The following FAM110B variants were observed in gnomAD, a reference collection of about 807,000 sequenced individuals.
The protein encoded by FAM110B is family with sequence similarity 110 member B, also known as protein FAM110B.
In FAM110B, 6 loss-of-function variants were observed where a neutral mutation model predicts 20.4. The observed-to-expected ratio is 0.29, with a 90% confidence interval of 0.16 to 0.58. The LOEUF is 0.58. Ranked by LOEUF, FAM110B falls within the 20% of genes least tolerant of loss-of-function variation. The pLI is 0.90. For missense variants in FAM110B, 434 were observed against 498.2 expected, an observed-to-expected ratio of 0.87 and a Z score of 1.23; for synonymous variants, 226 against 214.1, an observed-to-expected ratio of 1.06 and a Z score of -0.49.
At chr8:58,005,590 C>T (rs1804387307) in intron 1 of FAM110B, among the ~76,000 whole-genome samples, 1 of 152,138 alleles carries the variant, frequency 6.6e-6, no homozygotes, top group African/African-American at 2.4e-5. Flanking sequence ...TGTATTTTTC[C>T]ATGGTGAACA....
intron 3 of FAM110B, among the ~76,000 whole-genome samples, chr8:58,107,871 A>G (rs1176250430): frequency 2.6e-5 from 4 of 152,228 alleles, no homozygotes; most frequent in Non-Finnish European, 5.9e-5. Flanking sequence ...TGTTTGGGGA[A>G]CATTTGTGCT....
chr8:58,063,171 T>G (rs541243395), intron 2 of FAM110B, among the ~76,000 whole-genome samples: 7 of 152,270 alleles, frequency 4.6e-5, no homozygotes, highest in Non-Finnish European at 7.4e-5. Context: ...AAGAATCTCT[T>G]AAGACCGAGA....
chr8:58,043,058 A>G (rs1805252009), intron 2 of FAM110B: 1 of 152,234 alleles, frequency 6.6e-6, no homozygotes, highest in Non-Finnish European at 1.5e-5. Context: ...TATTTAAAGA[A>G]TATGAATGAA....
chr8:58,089,381 G>A (rs564025519), intron 3 of FAM110B, among the ~76,000 whole-genome samples: 2 of 152,258 alleles, frequency 1.3e-5, no homozygotes, highest in South Asian at 4.1e-4. Flanking sequence ...ATCTAGTTTT[G>A]TGGTTTAATT....
intron 3 of FAM110B, among the ~76,000 whole-genome samples, chr8:58,139,039 C>A (rs904828511): frequency 1.3e-5 from 2 of 152,198 alleles, no homozygotes; most frequent in African/African-American, 4.8e-5. Context: ...ATTTACTCAT[C>A]TTGTCGAAAA....
chr8:58,121,221 T>C (rs1269715175), intron 3 of FAM110B, among the ~76,000 whole-genome samples: 2 of 152,194 alleles, frequency 1.3e-5, no homozygotes, highest in African/African-American at 2.4e-5. Flanking sequence ...GGCCCATTGA[T>C]CTCTGTTGTC....
intron 3 of FAM110B, among the ~76,000 whole-genome samples, chr8:58,103,825 T>A (rs1254732204): frequency 6.6e-6 from 1 of 152,208 alleles, no homozygotes; most frequent in Non-Finnish European, 1.5e-5. Flanking sequence ...ATGACTTTTT[T>A]TGAAGTTCAC....
At position 58,147,166 on chromosome 8, in the gene FAM110B, C is replaced by T; in HGVS notation, c.936C>T (p.Ser312=). The change falls in exon 4 of 4, where the codon AGC becomes AGT. Residue 312 remains serine, a synonymous_variant. Coordinates refer to ENST00000519262, the MANE Select transcript of FAM110B (RefSeq NM_001377989.1). ...DIISLNFRSA[S]MISSDCEQSQ... is the part of the protein sequence containing the mutation. ...TATCCCTCAACTTCCGCAGCGCAAG[C>T]ATGATCAGCTCAGACTGTGAACAGT... is the stretch of plus-strand genomic sequence containing the variant. 1.2e-6 allele frequency: 2 copies of T among 1,614,166 alleles called. No homozygotes were observed. The highest frequency in any genetic ancestry group is 2.7e-5 in the African/African-American group (2 of 75,064).
At chr8:58,010,003 C>T (rs1320510273) in intron 1 of FAM110B, among the ~76,000 whole-genome samples, 2 of 152,144 alleles carry the variant, frequency 1.3e-5, no homozygotes, top group East Asian at 1.9e-4. Flanking sequence ...GTTGATGGCA[C>T]GGCTCTCTCT....
intron 3 of FAM110B, among the ~76,000 whole-genome samples, chr8:58,108,416 G>T (rs1021894235): frequency 1.1e-4 from 17 of 152,200 alleles, no homozygotes; most frequent in Non-Finnish European, 1.5e-4. Context: ...CAAAGAGTCA[G>T]CCTGGTGTCA....
intron 2 of FAM110B, among the ~76,000 whole-genome samples, chr8:58,034,686 G>T (rs1158926643): frequency 2.6e-5 from 4 of 152,336 alleles, no homozygotes; most frequent in East Asian, 1.9e-4. Flanking sequence ...CACATGAGAA[G>T]TGTTTAAGGT....
chr8:58,079,585 T>G (rs1027051109), intron 3 of FAM110B, among the ~76,000 whole-genome samples: 9 of 152,118 alleles, frequency 5.9e-5, no homozygotes, highest in African/African-American at 2.2e-4. Flanking sequence ...AAGACCAGCC[T>G]GAGCAACACT....
chr8:58,081,487 G>A (rs537990978), intron 3 of FAM110B, among the ~76,000 whole-genome samples: 3 of 152,322 alleles, frequency 2.0e-5, no homozygotes, highest in East Asian at 3.9e-4. Context: ...GATTATAGGC[G>A]TGAGCCACCA....
chr8:58,098,706 T>C (rs1249324232), intron 3 of FAM110B, among the ~76,000 whole-genome samples: 2 of 152,176 alleles, frequency 1.3e-5, no homozygotes, highest in African/African-American at 4.8e-5. Flanking sequence ...TTCTGAGGGT[T>C]GTGAAGACTG....
At chr8:58,062,472 A>G (rs1434816266) in intron 2 of FAM110B, among the ~76,000 whole-genome samples, 1 of 152,148 alleles carries the variant, frequency 6.6e-6, no homozygotes, top group Non-Finnish European at 1.5e-5. Flanking sequence ...TGGTCTCTAG[A>G]TATAATAAAA....
chr8:58,071,297 C>T (rs1217788718), intron 2 of FAM110B, among the ~76,000 whole-genome samples: 3 of 152,250 alleles, frequency 2.0e-5, no homozygotes, highest in Non-Finnish European at 2.9e-5. Context: ...ATACCAAAAA[C>T]GCCTTTGTTT....
In FAM110B at chr8:57,998,211, A is replaced by G. The variant is rs139773416; in HGVS notation, c.-512+3405A>G. On this transcript the variant is annotated intron_variant, in intron 1 of 3. Coordinates refer to ENST00000519262, the MANE Select transcript of FAM110B (RefSeq NM_001377989.1). Reference sequence around the variant, plus strand: ...TTTAAGATTTCACAATACCTTGTTAAAGATCACTTGTTTTAGGAAGGTTGA... The same window carrying G: ...TTTAAGATTTCACAATACCTTGTTAGAGATCACTTGTTTTAGGAAGGTTGA... Among the ~76,000 whole-genome samples the G allele has an allele frequency of 1.8e-3, 275 of 152,346 alleles. 1 individual carries two copies. The highest frequency in any genetic ancestry group is 6.3e-3 in the African/African-American group (262 of 41,586).
At chr8:58,126,672 T>A (rs1807514318) in intron 3 of FAM110B, among the ~76,000 whole-genome samples, 3 of 152,194 alleles carry the variant, frequency 2.0e-5, no homozygotes, top group Admixed American at 2.0e-4. Context: ...AATGTTGACA[T>A]CTTTTCATAT....
At chr8:58,030,097 A>G (rs1804935327) in intron 1 of FAM110B, among the ~76,000 whole-genome samples, 1 of 152,240 alleles carries the variant, frequency 6.6e-6, no homozygotes, top group Non-Finnish European at 1.5e-5. Context: ...ATGGGTCACA[A>G]TCAAATTAAT....
Sources: allele counts gnomAD v4.1 joint callset (sites outside exome capture counted in the v4.1 genomes callset), GRCh38; gene constraint gnomAD v4.1.1; transcripts MANE v1.5; gene names NCBI Gene and HGNC (gene_info 2026-07-23, HGNC 2026-07-21).